The following HYCC2 variants were observed in gnomAD, a reference collection of about 807,000 sequenced individuals.
HYCC2 encodes the protein hyccin 2.
chr2:200,979,261 C>CCATACA, the HYCC2 span: 1 of 133,934 alleles, frequency 7.5e-6, no homozygotes, highest in Non-Finnish European at 1.6e-5. Flanking sequence ...CATATACACA[C>CCATACA]CATACACACA....
At chr2:201,056,040 T>C in the HYCC2 span, among the ~76,000 whole-genome samples, 5 of 151,880 alleles carry the variant, frequency 3.3e-5, no homozygotes, top group Admixed American at 3.3e-4. Context: ...TACAAAAAAT[T>C]AGCCGGGGTG....
the HYCC2 span, among the ~76,000 whole-genome samples, chr2:201,036,824 G>A: frequency 6.6e-6 from 1 of 152,178 alleles, no homozygotes; most frequent in Non-Finnish European, 1.5e-5. Flanking sequence ...CATTCCCTTT[G>A]AAAACTGGCA....
chr2:201,006,996 T>G, the HYCC2 span, among the ~76,000 whole-genome samples: 33 of 152,160 alleles, frequency 2.2e-4, no homozygotes, highest in Non-Finnish European at 4.3e-4. Context: ...AATATGAAAA[T>G]ATATGCAAAC....
At chr2:201,061,166 G>C in the HYCC2 span, 1 of 152,132 alleles carries the variant, frequency 6.6e-6, no homozygotes, top group South Asian at 2.1e-4. Context: ...GGGTGTGGTG[G>C]TGGCTCATGC....
the HYCC2 span, chr2:201,045,540 T>C: frequency 2.5e-6 from 1 of 398,340 alleles, no homozygotes; most frequent in Non-Finnish European, 4.4e-6. Context: ...GCACAGGAAT[T>C]CGGCAGAGTT....
At chr2:201,042,117 T>C in the HYCC2 span, among the ~76,000 whole-genome samples, 1 of 152,160 alleles carries the variant, frequency 6.6e-6, no homozygotes. Flanking sequence ...CCGCCACACC[T>C]GACTGGTTTT....
the HYCC2 span, among the ~76,000 whole-genome samples, chr2:201,038,246 G>A: frequency 6.6e-6 from 1 of 152,144 alleles, no homozygotes; most frequent in African/African-American, 2.4e-5. Flanking sequence ...GGAAACAACA[G>A]GTACTGGAGA....
At chr2:200,982,806 G>A in the HYCC2 span, among the ~76,000 whole-genome samples, 10 of 152,126 alleles carry the variant, frequency 6.6e-5, no homozygotes, top group Middle Eastern at 3.4e-3. Context: ...ACCCAGACTG[G>A]AGTGCAGTGG....
At chr2:201,045,222 A>G in the HYCC2 span, among the ~76,000 whole-genome samples, 3 of 152,356 alleles carry the variant, frequency 2.0e-5, no homozygotes, top group Non-Finnish European at 4.4e-5. Context: ...ATTGGACAGC[A>G]TCGATCTAGA....
the HYCC2 span, among the ~76,000 whole-genome samples, chr2:201,013,295 CCCAATCT>C: frequency 6.6e-6 from 1 of 152,004 alleles, no homozygotes; most frequent in Non-Finnish European, 1.5e-5. Flanking sequence ...CAAAGCAAAA[CCCAATCT>C]CTACTAAAAA....
At chr2:201,056,061 C>T in the HYCC2 span, among the ~76,000 whole-genome samples, 3 of 151,980 alleles carry the variant, frequency 2.0e-5, no homozygotes, top group East Asian at 3.9e-4. Flanking sequence ...GTGGCAGGCG[C>T]CTGTAGCCTG....
At chr2:201,043,890 A>G in the HYCC2 span, among the ~76,000 whole-genome samples, 2 of 152,118 alleles carry the variant, frequency 1.3e-5, no homozygotes, top group Non-Finnish European at 2.9e-5. Flanking sequence ...ACTGCAAGCT[A>G]TCTTTTATTT....
chr2:201,011,411 T>C, the HYCC2 span: 1 of 1,578,716 alleles, frequency 6.3e-7, no homozygotes, highest in Non-Finnish European at 8.6e-7. Flanking sequence ...TATTGAAGGC[T>C]TGGATAAGGA....
At chr2:200,976,289 A>G in the HYCC2 span, 1 of 152,198 alleles carries the variant, frequency 6.6e-6, no homozygotes, top group South Asian at 2.1e-4. Context: ...GACCCGTTAA[A>G]CTTTTTAAAG....
the HYCC2 span, chr2:200,981,892 G>A: frequency 6.4e-7 from 1 of 1,573,820 alleles, no homozygotes; most frequent in African/African-American, 1.4e-5. The surrounding 1 kb of genome is among the most constrained non-coding windows in gnomAD (Gnocchi z 4.5). Flanking sequence ...AAATCAGACA[G>A]ACTCAGCAAT....
the HYCC2 span, among the ~76,000 whole-genome samples, chr2:201,033,704 C>T: frequency 0.052 from 7,867 of 151,162 alleles, 471 homozygotes; most frequent in African/African-American, 0.15. Flanking sequence ...GCACCCAGCC[C>T]AATTTTTTTT....
chr2:201,056,251 T>C, the HYCC2 span, among the ~76,000 whole-genome samples: 1 of 152,200 alleles, frequency 6.6e-6, no homozygotes, highest in Non-Finnish European at 1.5e-5. Flanking sequence ...TGGAACTCTT[T>C]AAATTCTAGA....
the HYCC2 span, among the ~76,000 whole-genome samples, chr2:201,060,651 T>C: frequency 4.6e-5 from 7 of 152,204 alleles, no homozygotes; most frequent in Admixed American, 3.9e-4. Flanking sequence ...TCTGAATTTT[T>C]TTTACCAAAT....
At chr2:200,987,488 A>G in the HYCC2 span, 1 of 1,289,558 alleles carries the variant, frequency 7.8e-7, no homozygotes, top group Non-Finnish European at 1.0e-6. Context: ...TGGATCGGGG[A>G]GCCAGGAATA....
Sources: allele counts gnomAD v4.1 joint callset (sites outside exome capture counted in the v4.1 genomes callset), GRCh38; gene constraint gnomAD v4.1.1; non-coding constraint Gnocchi (gnomAD v3.1); transcripts MANE v1.5; gene names NCBI Gene and HGNC (gene_info 2026-07-23, HGNC 2026-07-21).